ACE: variants seen among roughly 807,000 people sequenced by gnomAD.
The protein encoded by ACE is angiotensin-converting enzyme.
A neutral mutation model predicts 162.3 loss-of-function variants in ACE; 122 were observed. The observed-to-expected ratio is 0.75, with a 90% CI of 0.65 to 0.87. ACE has a LOEUF of 0.87. Ranked by LOEUF, ACE falls within the 40% of genes least tolerant of loss-of-function variation. The pLI, the probability that ACE is intolerant of heterozygous loss-of-function variation, is 0.00. For missense variants in ACE, 1,799 were observed against 1,735.1 expected, an observed-to-expected ratio of 1.04 and a Z score of -0.65; for synonymous variants, 796 against 720.6, an observed-to-expected ratio of 1.10 and a Z score of -1.68.
At chr17:63,485,156 G>C (rs756873185) in intron 12 of ACE, 80 bp from the exon 13 acceptor site, 16 of 1,604,718 alleles carry the variant, frequency 1.0e-5, no homozygotes, top group African/African-American at 1.3e-5. Flanking sequence ...AGTGCGAGAG[G>C]GATAATGGCT....
intron 6 of ACE, among the ~76,000 whole-genome samples, 181 bp downstream of exon 6, chr17:63,481,369 CCA>C (rs968955041): frequency 6.6e-6 from 1 of 152,126 alleles, no homozygotes; most frequent in African/African-American, 2.4e-5. Context: ...CCTCCAGGCT[CCA>C]CAGTGGCAGG....
Position 63,497,574 on chromosome 17 carries a change from C to T in ACE, c.*208C>T, listed in dbSNP as rs775796944. On this transcript the variant is annotated 3_prime_UTR_variant, in exon 25 of 25. Transcript: ENST00000290866. ...ACGGCTGCCTGACACTGAGCCCCAC[C>T]TCTCCAAGTCTCTCTGTGAATACAA... 4.3e-6 allele frequency: 3 copies of T among 702,122 alleles called. No individual in the cohort carries two copies. In the East Asian group the frequency reaches 8.1e-5, roughly 19 times the overall value. The allele number at this position is 702,122 out of a possible 1,614,324, so 43.5% of individuals were successfully genotyped here. A position where few individuals can be genotyped will look rare whatever the true frequency, so the allele number is the denominator to read the frequency against.
At chr17:63,488,164 T>A (rs1987692) in intron 15 of ACE, among the ~76,000 whole-genome samples, 70,401 of 151,744 alleles carry the variant, frequency 0.46, 16,580 homozygotes, top group East Asian at 0.66. Flanking sequence ...GAGCCCAGCC[T>A]GGGCAATACA....
chr17:63,483,253 C>A, intron 9 of ACE, 80 bp downstream of exon 9: 8 of 1,606,016 alleles, frequency 5.0e-6, no homozygotes, highest in Non-Finnish European at 6.0e-6. Context: ...CCTGCCCCAG[C>A]CAGTTCTAGC....
Position 63,482,613 on chromosome 17 carries a change from C to A in ACE, c.1266C>A (p.Asp422Glu). The A allele has an allele frequency of 3.1e-6, 5 of 1,614,096 alleles. No homozygotes were observed. The highest frequency in any genetic ancestry group is 4.2e-6 in the Non-Finnish European group (5 of 1,180,010). Residue 422 changes from aspartate (D) to glutamate (E), a missense_variant, in exon 8 of 25, where the codon GAC becomes GAA. Coordinates refer to ENST00000290866, the MANE Select transcript of ACE (RefSeq NM_000789.4). ...ANPGFHEAIGDVLALSVSTPE... is the reference protein window; with the variant it reads ...ANPGFHEAIGEVLALSVSTPE... Reference sequence around the variant, plus strand: ...CCGGCTTCCATGAGGCCATTGGGGACGTGCTGGCGCTCTCGGTCTCCACTC... The same window carrying A: ...CCGGCTTCCATGAGGCCATTGGGGAAGTGCTGGCGCTCTCGGTCTCCACTC...
intron 22 of ACE, among the ~76,000 whole-genome samples, chr17:63,495,088 T>C (rs1489718308): frequency 6.6e-6 from 1 of 152,218 alleles, no homozygotes; most frequent in Non-Finnish European, 1.5e-5. Context: ...GCTAACTTCT[T>C]AGCATTCTGT....
rs778896429 is a variant in ACE, at chr17:63,477,987, G to A, written c.306G>A (p.Lys102=). 11 of 1,612,206 alleles carry A rather than the reference G, an allele frequency of 6.8e-6. No individual in the cohort carries two copies. Among genetic ancestry groups the A allele is most frequent in the Non-Finnish European group, 9.3e-6 (11 of 1,179,540 alleles). Residue 102 remains lysine, a synonymous_variant, in exon 2 of 25, where the codon AAG becomes AAA. Coordinates refer to ENST00000290866, the MANE Select transcript of ACE (RefSeq NM_000789.4). ...EFAEAWGQKA[K]ELYEPIWQNF... is the part of the protein sequence containing the mutation. ...CGGAGGCCTGGGGCCAGAAGGCCAA[G>A]GAGCTGTATGAACCGATCTGGCAGA...
At chr17:63,479,993 G>A (rs559399952) in intron 4 of ACE, 81 bp downstream of exon 4, 12 of 1,534,924 alleles carry the variant, frequency 7.8e-6, no homozygotes, top group Middle Eastern at 2.1e-4. Context: ...CCCAGAGTCA[G>A]GCAGAGCAGC....
At position 63,487,083 on chromosome 17, in the gene ACE, CAT is replaced by C; in HGVS notation, c.2305+11_2305+12del. 1.2e-6 allele frequency: 2 copies of C among 1,612,276 alleles called. No homozygotes were observed. The highest frequency in any genetic ancestry group is 8.5e-7 in the Non-Finnish European group (1 of 1,178,968). On this transcript the variant is annotated intron_variant, in intron 15 of 24. Transcript: ENST00000290866. The stretch of plus-strand genomic sequence containing the variant: ...CTGCAGCTCGAGCCAGGTGAGAGCT[CAT>C]GTGCAGGCTGAGTGAGAGGCGAGGG...
intron 21 of ACE, 135 bp from the exon 22 acceptor site, chr17:63,494,237 A>C (rs1482201409): frequency 9.5e-6 from 12 of 1,257,366 alleles, no homozygotes; most frequent in South Asian, 1.3e-5. Flanking sequence ...GTGATTGTGC[A>C]CAGAGGCCCA....
chr17:63,484,877 G>T lies in ACE; in HGVS notation c.1921+336G>T. 1 of 1,586,196 alleles carries T rather than the reference G, an allele frequency of 6.3e-7. No homozygotes were observed. The highest frequency in any genetic ancestry group is 8.6e-7 in the Non-Finnish European group (1 of 1,166,128). On this transcript the variant is annotated intron_variant, in intron 12 of 24. Coordinates refer to ENST00000290866, the MANE Select transcript of ACE (RefSeq NM_000789.4). The surrounding 1 kb of genome is among the most constrained non-coding windows in gnomAD (Gnocchi z 4.0). ...CTGCTCTCCTGCGGCCATGGGCCAG[G>T]GTTGGGCTACTGCAGGACTTCCCAG...
rs375020796 is a variant in ACE, at chr17:63,491,290, T to G, written c.2821T>G (p.Trp941Gly). ...LGLLPVPPEF[W>G]NKSMLEKPTD... ...GCTGCTGCCCGTGCCTCCTGAGTTC[T>G]GGAACAAGTCGATGCTGGAGAAGCC... Residue 941 changes from tryptophan to glycine, a missense_variant, in exon 19 of 25, where the codon TGG (tryptophan) becomes GGG (glycine). Transcript: ENST00000290866. This position sits in a 1 kb window ranked among gnomAD's most constrained non-coding sequence, Gnocchi z 4.4. The G allele has an allele frequency of 2.5e-6, 4 of 1,614,158 alleles. No homozygotes were observed. Among genetic ancestry groups the G allele is most frequent in the Non-Finnish European group, 3.4e-6 (4 of 1,180,030 alleles).
Position 63,484,501 on chromosome 17 carries a change from G to C in ACE, c.1881G>C (p.Gln627His). 1 of 1,604,780 alleles carries C rather than the reference G, an allele frequency of 6.2e-7. No individual in the cohort carries two copies. The highest frequency in any genetic ancestry group is 8.5e-7 in the Non-Finnish European group (1 of 1,176,410). ...AGGTCCTGGGCTGGCCCGAGTACCA[G>C]TGGCACCCGCCGTTGCCTGACAACT... ...NGEVLGWPEY[Q>H]WHPPLPDNYP... Residue 627 changes from glutamine (Q) to histidine (H), a missense_variant, in exon 12 of 25, where the codon CAG (glutamine) becomes CAC (histidine). Physicochemically the swap from Gln to His is conservative, Grantham distance 24 (BLOSUM62 0). Transcript: ENST00000290866. The surrounding 1 kb of genome is among the most constrained non-coding windows in gnomAD (Gnocchi z 4.0).
chr17:63,490,821 A>C (rs933323687), intron 17 of ACE, 133 bp from the exon 18 acceptor site: 2 of 863,474 alleles, frequency 2.3e-6, no homozygotes, highest in Admixed American at 1.8e-5. Context: ...CAAAGCTTGC[A>C]AACAGTAGGT....
At position 63,482,585 on chromosome 17, in the gene ACE, A is replaced by G. The variant is rs1308632106; in HGVS notation, c.1238A>G (p.Asn413Ser). Residue 413 changes from asparagine (N) to serine (S), a missense_variant, in exon 8 of 25, where the codon AAC becomes AGC. By Grantham distance (46) the Asn-to-Ser change is conservative. Transcript: ENST00000290866. ...CCCGTCTCCCTGCGTCGGGGGGCCA[A>G]CCCCGGCTTCCATGAGGCCATTGGG... Reference protein sequence around the residue: ...DLPVSLRRGANPGFHEAIGDV... With the variant: ...DLPVSLRRGASPGFHEAIGDV... 11 of 1,613,860 alleles carry G rather than the reference A, an allele frequency of 6.8e-6. No individual in the cohort carries two copies. In the Admixed American group the frequency reaches 1.8e-4, roughly 27 times the overall value.
intron 3 of ACE, among the ~76,000 whole-genome samples, chr17:63,479,379 G>T (rs553432250): frequency 1.3e-5 from 2 of 151,924 alleles, no homozygotes; most frequent in African/African-American, 4.8e-5. Flanking sequence ...TTCCCCTTTC[G>T]TGGGTCCTCT....
rs777098855 is a variant in ACE, at chr17:63,488,983, C to T, written c.2492C>T (p.Thr831Ile). The T allele has an allele frequency of 5.0e-6, 8 of 1,614,202 alleles. No homozygotes were observed. Among genetic ancestry groups the T allele is most frequent in the African/African-American group, 1.3e-5 (1 of 75,060 alleles). Residue 831 changes from threonine (T) to isoleucine (I), a missense_variant, in exon 17 of 25, where the codon ACA becomes ATA. By Grantham distance (89) the Thr-to-Ile change is moderately conservative. Coordinates refer to ENST00000290866, the MANE Select transcript of ACE (RefSeq NM_000789.4). ...AGDSWRSMYE[T>I]PSLEQDLERL... ...GACTCGTGGAGGTCTATGTACGAGA[C>T]ACCATCCCTGGAGCAAGACCTGGAG...
rs1481913226 is a variant in ACE, at chr17:63,496,396, A to G, written c.3383A>G (p.Tyr1128Cys). ...HIPSSVPYIR[Y>C]FVSFIIQFQF... ...GCCACGGCCTCGCTCTGCTCCAGGT[A>G]CTTTGTCAGCTTCATCATCCAGTTC... Residue 1128 changes from tyrosine (Y) to cysteine (C), a missense_variant and splice_region_variant, in exon 23 of 25, where the codon TAC (tyrosine) becomes TGC (cysteine). Coordinates refer to ENST00000290866, the MANE Select transcript of ACE (RefSeq NM_000789.4). 6 of 1,614,112 alleles carry G rather than the reference A, an allele frequency of 3.7e-6. No homozygotes were observed. Among genetic ancestry groups the G allele is most frequent in the Non-Finnish European group, 5.1e-6 (6 of 1,179,992 alleles).
chr17:63,483,564 A>AGCGCGGGGGGGGGG lies in ACE; in HGVS notation c.1586+10_1586+11insGGGGGGGGGGGCGC. 1 of 1,607,080 alleles carries AGCGCGGGGGGGGGG rather than the reference A, an allele frequency of 6.2e-7. No individual in the cohort carries two copies. Among genetic ancestry groups the AGCGCGGGGGGGGGG allele is most frequent in the Non-Finnish European group, 8.5e-7 (1 of 1,175,086 alleles). On this transcript the variant is annotated splice_region_variant and intron_variant, in intron 10 of 24. Coordinates refer to ENST00000290866, the MANE Select transcript of ACE (RefSeq NM_000789.4). ...AATGTGACACCATACATCAGGTATT[A>AGCGCGGGGGGGGGG]GCGCCCCCACCCCACCCACCCCCAG...
Sources: gnomAD v4.1 joint callset for allele counts (sites outside exome capture counted in the v4.1 genomes callset) on GRCh38, gnomAD v4.1.1 for gene constraint, Gnocchi (gnomAD v3.1) non-coding constraint, MANE v1.5 for transcripts, NCBI Gene and HGNC (gene_info 2026-07-23, HGNC 2026-07-21) for gene names.